The following DAB1 variants were observed in gnomAD, a reference collection of about 807,000 sequenced individuals.
DAB1 encodes disabled homolog 1.
Under a neutral mutation model 64.6 loss-of-function variants are expected in DAB1, and 15 were observed. That is an observed-to-expected ratio of 0.23 (90% CI 0.16 to 0.36). The LOEUF (loss-of-function observed/expected upper bound fraction) is 0.36. DAB1 is among the 10% of genes least tolerant of loss of function. The pLI, the probability that DAB1 is intolerant of heterozygous loss-of-function variation, is 1.00. For synonymous variants in DAB1, 235 were observed against 251.9 expected (o/e 0.93, Z 0.64); for missense variants, 596 against 706.7 (o/e 0.84, Z 1.78).
intron 4 of DAB1, among the ~76,000 whole-genome samples, chr1:58,171,658 T>A (rs1656182707): frequency 6.6e-6 from 1 of 152,216 alleles, no homozygotes; most frequent in African/African-American, 2.4e-5. Flanking sequence ...CATCCCAACT[T>A]ACATGGATGG....
intron 4 of DAB1, among the ~76,000 whole-genome samples, chr1:58,226,181 A>G (rs1348025227): frequency 6.6e-6 from 1 of 152,146 alleles, no homozygotes; most frequent in Non-Finnish European, 1.5e-5. Context: ...ATTTTGTTTC[A>G]TAATATGTTG....
At chr1:57,048,055 A>G (rs1648751190) in intron 9 of DAB1, among the ~76,000 whole-genome samples, 1 of 152,172 alleles carries the variant, frequency 6.6e-6, no homozygotes, top group African/African-American at 2.4e-5. Context: ...ACTTTATTCA[A>G]TTCTTAAAAG....
chr1:57,155,181 C>T (rs1482496828), intron 2 of DAB1, among the ~76,000 whole-genome samples: 1 of 152,150 alleles, frequency 6.6e-6, no homozygotes, highest in African/African-American at 2.4e-5. Flanking sequence ...TAAGTCTTTA[C>T]CCATTTTGAT....
At chr1:57,072,630 T>C (rs1308641987) in intron 4 of DAB1, among the ~76,000 whole-genome samples, 1 of 152,212 alleles carries the variant, frequency 6.6e-6, no homozygotes, top group African/African-American at 2.4e-5. Flanking sequence ...AACATAGGAT[T>C]GTTCATATGC....
At chr1:57,094,584 T>C (rs1653987103) in intron 4 of DAB1, among the ~76,000 whole-genome samples, 1 of 152,174 alleles carries the variant, frequency 6.6e-6, no homozygotes, top group African/African-American at 2.4e-5. Flanking sequence ...TAAATTACAA[T>C]TACACATTCA....
At chr1:57,533,974 A>G (rs979706957) in intron 7 of DAB1, among the ~76,000 whole-genome samples, 3 of 152,196 alleles carry the variant, frequency 2.0e-5, no homozygotes, top group African/African-American at 7.2e-5. Flanking sequence ...CTTTGCTTCA[A>G]AGTAGAAGCA....
At chr1:58,520,313 T>A (rs1168920448) in intron 2 of DAB1, among the ~76,000 whole-genome samples, 1 of 152,036 alleles carries the variant, frequency 6.6e-6, no homozygotes, top group East Asian at 1.9e-4. Context: ...AAGACACATA[T>A]CTGACAAAGA....
At chr1:57,871,903 G>A (rs1306211995) in intron 1 of DAB1, among the ~76,000 whole-genome samples, 1 of 152,090 alleles carries the variant, frequency 6.6e-6, no homozygotes, top group East Asian at 1.9e-4. Flanking sequence ...CAAGATGTAA[G>A]TTTATTTGTT....
intron 7 of DAB1, among the ~76,000 whole-genome samples, chr1:57,647,626 C>T (rs1368660721): frequency 6.6e-6 from 1 of 152,180 alleles, no homozygotes. Flanking sequence ...ACTGAGTTTC[C>T]TCAATGTTTA....
intron 7 of DAB1, among the ~76,000 whole-genome samples, chr1:57,646,376 G>A (rs574191508): frequency 3.5e-4 from 53 of 152,286 alleles, no homozygotes; most frequent in African/African-American, 1.2e-3. Flanking sequence ...ATGAGGACAG[G>A]CAGGTAGTCT....
At chr1:58,455,088 T>C (rs1645180519) in intron 3 of DAB1, among the ~76,000 whole-genome samples, 1 of 152,228 alleles carries the variant, frequency 6.6e-6, no homozygotes, top group Admixed American at 6.5e-5. Flanking sequence ...TTTGAGTTCT[T>C]CCAGCAGCCG....
At chr1:57,073,362 A>C (rs1417271115) in intron 4 of DAB1, among the ~76,000 whole-genome samples, 1 of 152,214 alleles carries the variant, frequency 6.6e-6, no homozygotes, top group Non-Finnish European at 1.5e-5. Flanking sequence ...AACTAAAGTA[A>C]ACTGAGATTG....
rs1646549216 is a variant in DAB1, at chr1:58,538,281, G to A, written n.32+8422C>T. On this transcript the variant is annotated intron_variant and non_coding_transcript_variant, in intron 1 of 20. Transcript: ENST00000485760. ...CCAAGGAAAAAAACAAAGATTTGTTGGGAACAGAATAGAAAGAAAAGAAGC... is the reference window on the plus strand; with the variant it reads ...CCAAGGAAAAAAACAAAGATTTGTTAGGAACAGAATAGAAAGAAAAGAAGC... Among the ~76,000 whole-genome samples, 3 of 152,190 alleles carry A rather than the reference G, an allele frequency of 2.0e-5. No homozygotes were observed. The South Asian group carries it at 6.2e-4, about 32-fold the overall frequency.
intron 4 of DAB1, among the ~76,000 whole-genome samples, chr1:58,153,057 G>A (rs1032283779): frequency 2.6e-5 from 4 of 152,294 alleles, no homozygotes; most frequent in African/African-American, 9.6e-5. Context: ...ATCTTACTAA[G>A]TGCAATATTA....
chr1:58,057,998 C>CTCTG (rs3834033), intron 5 of DAB1, among the ~76,000 whole-genome samples: 110,693 of 151,074 alleles, frequency 0.73, 40,589 homozygotes, highest in South Asian at 0.8. Context: ...TTGCACAACA[C>CTCTG]TCTTTTTGCC....
intron 6 of DAB1, among the ~76,000 whole-genome samples, chr1:57,812,319 C>CAAAAAAAAAAAA (rs67005172): frequency 4.0e-5 from 4 of 101,168 alleles, no homozygotes; most frequent in Non-Finnish European, 6.0e-5. Flanking sequence ...GATTCATTGC[C>CAAAAAAAAAAAA]AAAAAAAAAA....
intron 7 of DAB1, among the ~76,000 whole-genome samples, chr1:57,481,807 ACT>A (rs66616288): frequency 0.29 from 41,911 of 142,758 alleles, 7,483 homozygotes; most frequent in Non-Finnish European, 0.42. Flanking sequence ...ACAGAGCAAG[ACT>A]CTGTCTCAAA....
intron 5 of DAB1, chr1:58,074,564 G>GTGTGTGTATATGTATATATATATATA (rs1332531604): frequency 1.1e-5 from 1 of 91,632 alleles, no homozygotes; most frequent in Non-Finnish European, 2.1e-5. Flanking sequence ...ATATATGTGT[G>GTGTGTGTATATGTATATATATATATA]TATATATATA....
rs1342122729 is a variant in DAB1 at position 57,803,430 on chromosome 1, C to A, written n.551+80569G>T. Among the ~76,000 whole-genome samples the A allele has an allele frequency of 2.6e-5, 4 of 152,202 alleles. 1 individual carries two copies. Among genetic ancestry groups the A allele is most frequent in the Non-Finnish European group, 4.4e-5 (3 of 68,036 alleles). On this transcript the variant is annotated intron_variant and non_coding_transcript_variant, in intron 6 of 20. Transcript: ENST00000485760. ...GTTCCTTTCCTCTGCTGATGCCTAC[C>A]ATTGGGGAACCCATACAGAAGCCAG... is the stretch of plus-strand genomic sequence containing the variant.
Sources: allele counts gnomAD v4.1 joint callset (sites outside exome capture counted in the v4.1 genomes callset), GRCh38; gene constraint gnomAD v4.1.1; transcripts MANE v1.5; gene names NCBI Gene and HGNC (gene_info 2026-07-23, HGNC 2026-07-21).